MGAT5: variants seen among roughly 807,000 people sequenced by gnomAD.
MGAT5 encodes the protein alpha-1,6-mannosylglycoprotein 6-beta-N-acetylglucosaminyltransferase.
Under a neutral mutation model 94.3 loss-of-function variants are expected in MGAT5, and 30 were observed. That is an observed-to-expected ratio of 0.32 (90% CI 0.24 to 0.43). The LOEUF (loss-of-function observed/expected upper bound fraction) is 0.43. Ranked by LOEUF, MGAT5 falls within the 20% of genes least tolerant of loss-of-function variation. The pLI is 1.00. For missense variants in MGAT5, 691 were observed against 905.5 expected, an observed-to-expected ratio of 0.76 and a Z score of 3.04; for synonymous variants, 310 against 322.9, an observed-to-expected ratio of 0.96 and a Z score of 0.43.
intron 15 of MGAT5, among the ~76,000 whole-genome samples, chr2:134,445,044 C>T (rs574617853): frequency 2.6e-5 from 4 of 152,280 alleles, no homozygotes; most frequent in African/African-American, 9.6e-5. Flanking sequence ...TGCCCAGTTT[C>T]TAATTTTGCT....
At chr2:134,388,230 C>T (rs1471474476) in intron 10 of MGAT5, among the ~76,000 whole-genome samples, 1 of 152,084 alleles carries the variant, frequency 6.6e-6, no homozygotes, top group African/African-American at 2.4e-5. Flanking sequence ...TTAAATTTTG[C>T]CACGAAACAT....
At chr2:134,153,399 C>T (rs1394718216) in intron 1 of MGAT5, among the ~76,000 whole-genome samples, 2 of 152,070 alleles carry the variant, frequency 1.3e-5, no homozygotes, top group African/African-American at 4.8e-5. Flanking sequence ...CCTCCTGGAC[C>T]TTCTCCTGAC....
chr2:134,243,700 C>T (rs553129046), intron 1 of MGAT5, among the ~76,000 whole-genome samples: 5 of 152,054 alleles, frequency 3.3e-5, no homozygotes, highest in African/African-American at 9.7e-5. Flanking sequence ...CATGTGTGTG[C>T]ACACATATGT....
At chr2:134,144,917 C>T (rs989101440) in intron 1 of MGAT5, among the ~76,000 whole-genome samples, 1 of 152,162 alleles carries the variant, frequency 6.6e-6, no homozygotes, top group African/African-American at 2.4e-5. Flanking sequence ...GGGTCTCCTC[C>T]AATACGGACA....
rs538886021 is a variant in MGAT5 at position 134,221,731 on chromosome 2, AG to A, written c.-142-32530del. Among the ~76,000 whole-genome samples the A allele has an allele frequency of 4.3e-4, 66 of 152,350 alleles. No homozygotes were observed. The South Asian group carries it at 0.011, about 26-fold the overall frequency. ...AGTGGAAAGTTAAGTCACTATATAC[AG>A]CATCAAATAAAACCCATCTGGTGAG... On this transcript the variant is annotated intron_variant, in intron 1 of 16. Transcript: ENST00000409645.
intron 1 of MGAT5, among the ~76,000 whole-genome samples, chr2:134,233,478 T>C (rs958979340): frequency 1.3e-5 from 2 of 152,040 alleles, no homozygotes; most frequent in African/African-American, 2.4e-5. Flanking sequence ...TGACACTTGG[T>C]GCATTTTTTT....
intron 14 of MGAT5, among the ~76,000 whole-genome samples, chr2:134,431,579 AGAG>A (rs1684877495): frequency 6.6e-6 from 1 of 152,124 alleles, no homozygotes; most frequent in African/African-American, 2.4e-5. Context: ...GCGAGGATGG[AGAG>A]GAGGTGTTCC....
chr2:134,249,966 C>G (rs1318501975), upstream of MGAT5, among the ~76,000 whole-genome samples: 1 of 152,240 alleles, frequency 6.6e-6, no homozygotes, highest in African/African-American at 2.4e-5. Flanking sequence ...AAGTTAGTAT[C>G]TCATTGTGGT....
chr2:134,304,075 C>T (rs1323416903), intron 2 of MGAT5, among the ~76,000 whole-genome samples: 1 of 152,144 alleles, frequency 6.6e-6, no homozygotes, highest in African/African-American at 2.4e-5. Context: ...AGTTTCTCTG[C>T]TTTGTTTTTA....
upstream of MGAT5, among the ~76,000 whole-genome samples, chr2:134,252,881 A>G (rs1353518094): frequency 2.6e-5 from 4 of 152,172 alleles, no homozygotes; most frequent in Non-Finnish European, 4.4e-5. Context: ...TGCCTAGATG[A>G]TCAGTCCTCT....
At chr2:134,272,369 G>GTTT (rs10654780) in intron 2 of MGAT5, among the ~76,000 whole-genome samples, 29 of 149,114 alleles carry the variant, frequency 1.9e-4, no homozygotes, top group African/African-American at 3.4e-4. Context: ...GTTGTGTTTT[G>GTTT]TTTTTTTTTT....
intron 10 of MGAT5, among the ~76,000 whole-genome samples, chr2:134,385,471 G>A (rs1473105982): frequency 6.6e-6 from 1 of 152,166 alleles, no homozygotes; most frequent in Non-Finnish European, 1.5e-5. Context: ...ATAAAAGTGT[G>A]ACTAGAATGT....
chr2:134,341,469 A>G (rs1688626732), intron 6 of MGAT5, 121 bp from the exon 7 acceptor site: 3 of 782,274 alleles, frequency 3.8e-6, no homozygotes, highest in Non-Finnish European at 5.9e-6. Flanking sequence ...AGCATTCCCC[A>G]CCCTTTGATT....
At chr2:134,172,676 A>G (rs150674329) in intron 1 of MGAT5, among the ~76,000 whole-genome samples, 3,092 of 152,280 alleles carry the variant, frequency 0.02, 26 homozygotes, top group Non-Finnish European at 0.026. Context: ...GTGAGCCACC[A>G]TGCCCAGCCA....
chr2:134,248,848 C>A (rs1392634840), intron 1 of MGAT5, among the ~76,000 whole-genome samples: 1 of 152,054 alleles, frequency 6.6e-6, no homozygotes, highest in Admixed American at 6.5e-5. Context: ...ATAGGGCCTC[C>A]AGGGATGTTG....
chr2:134,381,403 TAGATAGA>T (rs775844885), intron 10 of MGAT5, among the ~76,000 whole-genome samples: 2 of 100,870 alleles, frequency 2.0e-5, no homozygotes, highest in Non-Finnish European at 4.2e-5. Context: ...GATAGATAGA[TAGATAGA>T]TAGATAGATA....
At chr2:134,125,951 TC>T (rs1437012366) in intron 1 of MGAT5, among the ~76,000 whole-genome samples, 2 of 152,256 alleles carry the variant, frequency 1.3e-5, no homozygotes, top group African/African-American at 4.8e-5. Context: ...AGCATTGATT[TC>T]CTTTCTTTAG....
intron 1 of MGAT5, among the ~76,000 whole-genome samples, chr2:134,249,011 T>TTCTGAAGCCAGGCTCCTGGCCA (rs1682438737): frequency 6.6e-6 from 1 of 151,938 alleles, no homozygotes; most frequent in African/African-American, 2.4e-5. Flanking sequence ...GCCAGGAGCC[T>TTCTGAAGCCAGGCTCCTGGCCA]GTAAGGTTGA....
chr2:134,131,572 ATTTTTTTTTTTTTTTT>A (rs10617178), intron 1 of MGAT5, among the ~76,000 whole-genome samples: 1 of 85,230 alleles, frequency 1.2e-5, no homozygotes, highest in Non-Finnish European at 2.4e-5. Context: ...TGGTAGATTG[ATTTTTTTTTTTTTTTT>A]TTTTTTTTTT....
Sources: gnomAD v4.1 joint callset for allele counts (sites outside exome capture counted in the v4.1 genomes callset) on GRCh38, gnomAD v4.1.1 for gene constraint, MANE v1.5 for transcripts, NCBI Gene and HGNC (gene_info 2026-07-23, HGNC 2026-07-21) for gene names.